The following SORCS1 variants were observed in gnomAD, a reference collection of about 807,000 sequenced individuals.
SORCS1 encodes VPS10 domain-containing receptor SorCS1.
Under a neutral mutation model 146.1 loss-of-function variants are expected in SORCS1, and 60 were observed. That is an observed-to-expected ratio of 0.41 (90% CI 0.33 to 0.51). The LOEUF is 0.51. SORCS1 is among the 20% of genes least tolerant of loss of function. The pLI is 0.21. For missense variants in SORCS1, 1,352 were observed against 1,487.6 expected (o/e 0.91, Z 1.50); for synonymous variants, 637 against 584.0 (o/e 1.09, Z -1.31).
At chr10:106,799,643 C>T (rs1246162145) in intron 3 of SORCS1, among the ~76,000 whole-genome samples, 1 of 152,218 alleles carries the variant, frequency 6.6e-6, no homozygotes, top group East Asian at 1.9e-4. Flanking sequence ...CTCATCATCA[C>T]TGGCCATCAG....
At chr10:106,967,900 A>T (rs532705123) in intron 1 of SORCS1, among the ~76,000 whole-genome samples, 3 of 151,838 alleles carry the variant, frequency 2.0e-5, no homozygotes, top group Non-Finnish European at 4.4e-5. Context: ...CTGAAAGTCT[A>T]TTAAAAAAAA....
At chr10:107,104,445 G>T (rs1833832516) in intron 1 of SORCS1, among the ~76,000 whole-genome samples, 1 of 152,166 alleles carries the variant, frequency 6.6e-6, no homozygotes, top group Non-Finnish European at 1.5e-5. Flanking sequence ...TCTAGCCAAG[G>T]GAAATACTTC....
intron 1 of SORCS1, among the ~76,000 whole-genome samples, chr10:107,000,669 C>T (rs1328647934): frequency 6.6e-6 from 1 of 150,824 alleles, no homozygotes; most frequent in African/African-American, 2.4e-5. Context: ...CAAGCTAATA[C>T]CTGGCTTACA....
intron 1 of SORCS1, among the ~76,000 whole-genome samples, chr10:106,981,409 C>T (rs1403202816): frequency 6.6e-6 from 1 of 152,148 alleles, no homozygotes; most frequent in Non-Finnish European, 1.5e-5. Context: ...TTTTGAGTGT[C>T]TGATGAGAGC....
At chr10:106,679,139 T>C in intron 12 of SORCS1, 117 bp downstream of exon 12, 1 of 648,450 alleles carries the variant, frequency 1.5e-6, no homozygotes, top group Admixed American at 2.7e-5. Context: ...ATAAACATAT[T>C]CACAGTCATT....
At chr10:106,996,186 C>T (rs537061510) in intron 1 of SORCS1, among the ~76,000 whole-genome samples, 51 of 148,798 alleles carry the variant, frequency 3.4e-4, no homozygotes, top group African/African-American at 1.2e-3. Flanking sequence ...AAGACTGCGC[C>T]ACTGTACTCC....
At chr10:107,042,598 G>A (rs942651773) in intron 1 of SORCS1, among the ~76,000 whole-genome samples, 6 of 143,276 alleles carry the variant, frequency 4.2e-5, no homozygotes, top group Non-Finnish European at 6.0e-5. Flanking sequence ...TTTTACCAGC[G>A]GGGAAGTGAA....
At chr10:107,067,885 T>C (rs577189790) in intron 1 of SORCS1, among the ~76,000 whole-genome samples, 1 of 152,344 alleles carries the variant, frequency 6.6e-6, no homozygotes, top group East Asian at 1.9e-4. Context: ...AGAAAGTGCC[T>C]GGCACATTAA....
chr10:107,164,615 CAGG>C lies in SORCS1; in HGVS notation c.-92_-90del. ...CTGGCGGCTGTGGGGGGCCGGCGCT[CAGG>C]ACCCCAACTCCATCCAAGTTGCGCC... On this transcript the variant is annotated 5_prime_UTR_variant, in exon 1 of 26. An upstream open reading frame in the 5' UTR gains an earlier in-frame stop. Coordinates refer to ENST00000263054, the MANE Select transcript of SORCS1 (RefSeq NM_052918.5). This position sits in a 1 kb window ranked among gnomAD's most constrained non-coding sequence, Gnocchi z 6.8. The C allele has an allele frequency of 8.9e-7, 1 of 1,124,110 alleles. No individual in the cohort carries two copies. The allele number at this position is 1,124,110 out of a possible 1,614,324, so 69.6% of individuals were successfully genotyped here. A position where few individuals can be genotyped will look rare whatever the true frequency, so the allele number is the denominator to read the frequency against.
chr10:107,071,103 T>C (rs954482807), intron 1 of SORCS1, among the ~76,000 whole-genome samples: 2 of 152,024 alleles, frequency 1.3e-5, no homozygotes, highest in Non-Finnish European at 2.9e-5. Flanking sequence ...GGAGTCAGAG[T>C]CACAGTCCAT....
At chr10:106,870,927 T>C (rs751340269) in intron 2 of SORCS1, among the ~76,000 whole-genome samples, 90 of 152,150 alleles carry the variant, frequency 5.9e-4, no homozygotes, top group Middle Eastern at 3.4e-3. Context: ...ACCTACAGAA[T>C]GGGAGAAAAT....
Position 106,579,449 on chromosome 10 carries a change from G to A in SORCS1, c.3291C>T (p.Thr1097=), listed in dbSNP as rs748802944. ...GCATCAGCATGGCAGATCCACTGTG[G>A]GTTGGAGTGAGGTCCACCAGGGGGG... is the stretch of plus-strand genomic sequence containing the variant. ...TAAPLVDLTP[T]HSGSAMLMLL... The change falls in exon 25 of 26, where the codon ACC becomes ACT. Residue 1097 remains threonine, a synonymous_variant. Transcript: ENST00000263054. 18 of 1,613,820 alleles carry A rather than the reference G, an allele frequency of 1.1e-5. No individual in the cohort carries two copies. The highest frequency in any genetic ancestry group is 1.4e-5 in the Non-Finnish European group (17 of 1,179,960).
At chr10:106,644,867 C>T (rs1322895171) in intron 18 of SORCS1, among the ~76,000 whole-genome samples, 1 of 152,180 alleles carries the variant, frequency 6.6e-6, no homozygotes, top group Non-Finnish European at 1.5e-5. Flanking sequence ...ATGTATTCTA[C>T]TATTCATGAA....
intron 25 of SORCS1, chr10:106,578,730 A>G: frequency 9.1e-7 from 1 of 1,101,394 alleles, no homozygotes; most frequent in South Asian, 2.8e-5. Flanking sequence ...AACCCTGCCC[A>G]GCCCTCTGGT....
intron 1 of SORCS1, among the ~76,000 whole-genome samples, chr10:107,018,981 C>G (rs1958013729): frequency 6.6e-6 from 1 of 152,164 alleles, no homozygotes; most frequent in Non-Finnish European, 1.5e-5. Context: ...CTCTGCTATT[C>G]AATAGCTATA....
At chr10:106,952,378 C>T (rs1055140589) in intron 2 of SORCS1, among the ~76,000 whole-genome samples, 1 of 151,932 alleles carries the variant, frequency 6.6e-6, no homozygotes, top group African/African-American at 2.4e-5. Context: ...TGCTAGACAA[C>T]TCAGAACCAT....
Position 106,920,737 on chromosome 10 carries a change from G to A in SORCS1, c.626+35776C>T, listed in dbSNP as rs552243090. 8.5e-5 allele frequency among the ~76,000 whole-genome samples: 13 copies of A among 152,282 alleles called. No homozygotes were observed. In the East Asian group the frequency reaches 2.5e-3, roughly 29 times the overall value. ...TTCCAGCACTCTGGGCCTGGCAGAT[G>A]GTGAAAGTGACTCTTTTTCTTGGGT... On this transcript the variant is annotated intron_variant, in intron 2 of 25. Coordinates refer to ENST00000263054, the MANE Select transcript of SORCS1 (RefSeq NM_052918.5).
intron 25 of SORCS1, chr10:106,578,762 G>A: frequency 8.8e-7 from 1 of 1,132,850 alleles, no homozygotes; most frequent in Non-Finnish European, 1.1e-6. Context: ...AGCCTCTGAG[G>A]CCTCTCCTTC....
rs3982430 is a variant in SORCS1 at position 106,878,620 on chromosome 10, GTATA to G, written c.627-48951_627-48948del. 2.9e-3 allele frequency among the ~76,000 whole-genome samples: 242 copies of G among 84,822 alleles called. 7 individuals carry two copies. Among genetic ancestry groups the G allele is most frequent in the African/African-American group, 5.9e-3 (129 of 21,786 alleles). The allele number at this position is 84,822 out of a possible 152,430, so 55.6% of individuals were successfully genotyped here. On this transcript the variant is annotated intron_variant, in intron 2 of 25. Transcript: ENST00000263054. ...AAATTTGTTTTTTATAAACTACCTAGTATATATATATATATATATATATATATAT... is the reference window on the plus strand; with the variant it reads ...AAATTTGTTTTTTATAAACTACCTAGTATATATATATATATATATATATAT...
Sources: allele counts gnomAD v4.1 joint callset (sites outside exome capture counted in the v4.1 genomes callset), GRCh38; gene constraint gnomAD v4.1.1; non-coding constraint Gnocchi (gnomAD v3.1); transcripts MANE v1.5; gene names NCBI Gene and HGNC (gene_info 2026-07-23, HGNC 2026-07-21).